TDRP: variants seen among roughly 807,000 people sequenced by gnomAD.
TDRP encodes the protein testis development-related protein.
A neutral mutation model predicts 10.5 loss-of-function variants in TDRP; 12 were observed. That is an observed-to-expected ratio of 1.15 (90% CI 0.73 to 1.86). TDRP has a LOEUF of 1.86. TDRP is among the 40% of genes most tolerant of loss of function. The probability of loss-of-function intolerance (pLI) is 0.00; values close to 1 mark genes in which losing one functional copy is unlikely to be tolerated. For missense variants in TDRP, 353 were observed against 229.2 expected (o/e 1.54, Z -3.49); for synonymous variants, 139 against 95.4 (o/e 1.46, Z -2.67).
chr8:504,984 G>A (rs1285500935), intron 1 of TDRP, among the ~76,000 whole-genome samples: 4 of 152,092 alleles, frequency 2.6e-5, no homozygotes, highest in African/African-American at 4.8e-5. Flanking sequence ...TTCCCACACC[G>A]TTTTTAACAA....
chr8:538,448 C>T (rs1293797282), intron 1 of TDRP, among the ~76,000 whole-genome samples: 1 of 152,160 alleles, frequency 6.6e-6, no homozygotes, highest in African/African-American at 2.4e-5. Context: ...GATGGTGGCA[C>T]CAACCCATAT....
chr8:510,752 A>AGGG (rs1801594598), intron 1 of TDRP, among the ~76,000 whole-genome samples: 1 of 152,232 alleles, frequency 6.6e-6, no homozygotes, highest in East Asian at 1.9e-4. Flanking sequence ...TTCAGCTGAA[A>AGGG]ACGAGGAACT....
intron 1 of TDRP, among the ~76,000 whole-genome samples, chr8:509,481 G>T (rs1801553504): frequency 6.6e-6 from 1 of 152,188 alleles, no homozygotes; most frequent in African/African-American, 2.4e-5. Context: ...AAGCAGCCAA[G>T]GATTGGGGCT....
At chr8:508,534 C>T (rs538501557) in intron 1 of TDRP, among the ~76,000 whole-genome samples, 4 of 152,184 alleles carry the variant, frequency 2.6e-5, no homozygotes, top group Non-Finnish European at 5.9e-5. Flanking sequence ...ATAAAACCAT[C>T]AGATCTCATG....
chr8:514,733 T>C (rs1055701212), intron 1 of TDRP, among the ~76,000 whole-genome samples: 6 of 151,906 alleles, frequency 3.9e-5, no homozygotes, highest in Non-Finnish European at 8.8e-5. Context: ...CACTGGGAAA[T>C]GTCTATTTTT....
intron 1 of TDRP, among the ~76,000 whole-genome samples, chr8:525,076 G>C (rs1303488712): frequency 3.9e-5 from 6 of 152,148 alleles, no homozygotes; most frequent in African/African-American, 1.4e-4. Flanking sequence ...CAAGAGAAAA[G>C]AAACAGATAG....
intron 1 of TDRP, among the ~76,000 whole-genome samples, chr8:515,190 C>T (rs147425874): frequency 6.6e-6 from 1 of 152,296 alleles, no homozygotes; most frequent in Non-Finnish European, 1.5e-5. Context: ...TACAAGCACA[C>T]TGATAGGTTC....
At chr8:520,993 G>A (rs551084619) in intron 1 of TDRP, among the ~76,000 whole-genome samples, 1 of 152,024 alleles carries the variant, frequency 6.6e-6, no homozygotes, top group African/African-American at 2.4e-5. Context: ...TCATATCCAA[G>A]AAATCATTGC....
intron 1 of TDRP, among the ~76,000 whole-genome samples, chr8:538,387 T>C (rs924614136): frequency 2.0e-5 from 3 of 152,190 alleles, no homozygotes; most frequent in East Asian, 1.9e-4. Context: ...ATAGAGTCTG[T>C]TGGCAGCTGT....
intron 1 of TDRP, among the ~76,000 whole-genome samples, chr8:512,971 CAAAA>C (rs34201826): frequency 8.1e-5 from 12 of 147,276 alleles, no homozygotes; most frequent in East Asian, 2.0e-4. Context: ...GATTTCACCT[CAAAA>C]AAAAAAAAAA....
chr8:496,123 C>T (rs1242800637), intron 1 of TDRP, among the ~76,000 whole-genome samples: 3 of 152,198 alleles, frequency 2.0e-5, no homozygotes, highest in African/African-American at 7.2e-5. Context: ...TGCACAAAAA[C>T]CTACCAAAGA....
At chr8:503,079 G>C (rs1440503747) in intron 1 of TDRP, among the ~76,000 whole-genome samples, 1 of 150,774 alleles carries the variant, frequency 6.6e-6, no homozygotes, top group Non-Finnish European at 1.5e-5. Flanking sequence ...GCCCACCTCA[G>C]CATGTGTCAA....
At chr8:501,493 A>ACC (rs1801299065) in intron 1 of TDRP, among the ~76,000 whole-genome samples, 1 of 151,690 alleles carries the variant, frequency 6.6e-6, no homozygotes, top group African/African-American at 2.4e-5. Flanking sequence ...ATTACAGGCG[A>ACC]TGGCCACCAC....
chr8:531,308 G>T (rs1330940495), intron 1 of TDRP, among the ~76,000 whole-genome samples: 2 of 152,144 alleles, frequency 1.3e-5, no homozygotes, highest in Non-Finnish European at 2.9e-5. Context: ...AGTCCGTGGG[G>T]GAACAAGGTC....
At chr8:508,431 T>C (rs1295723749) in intron 1 of TDRP, among the ~76,000 whole-genome samples, 1 of 152,140 alleles carries the variant, frequency 6.6e-6, no homozygotes, top group African/African-American at 2.4e-5. Flanking sequence ...CTCAGGAAAC[T>C]TACAAAAATG....
At chr8:534,508 C>A (rs567226248) in intron 1 of TDRP, among the ~76,000 whole-genome samples, 2 of 152,334 alleles carry the variant, frequency 1.3e-5, no homozygotes, top group Admixed American at 1.3e-4. Context: ...AACACAGGTG[C>A]TCCCTCCGTA....
At position 491,639 on chromosome 8, in the gene TDRP, A is replaced by G. The variant is rs1563113540; in HGVS notation, c.*760T>C. 1 of 1,532,144 alleles carries G rather than the reference A, an allele frequency of 6.5e-7. No individual in the cohort carries two copies. Among genetic ancestry groups the G allele is most frequent in the Non-Finnish European group, 8.7e-7 (1 of 1,145,858 alleles). 94.9% of individuals were successfully genotyped at this position (1,532,144 alleles called of 1,614,324 possible). On this transcript the variant is annotated 3_prime_UTR_variant, in exon 3 of 3. Coordinates refer to ENST00000324079, the MANE Select transcript of TDRP (RefSeq NM_001384899.1). Reference sequence around the variant, plus strand: ...ACAATGTTTCCTAAATGAAATTATCAACTGACTAAAATTGATCCATACTTC... The same window carrying G: ...ACAATGTTTCCTAAATGAAATTATCGACTGACTAAAATTGATCCATACTTC...
At chr8:510,946 C>T (rs1269656677) in intron 1 of TDRP, among the ~76,000 whole-genome samples, 1 of 152,018 alleles carries the variant, frequency 6.6e-6, no homozygotes, top group Non-Finnish European at 1.5e-5. Flanking sequence ...GCCAATAACA[C>T]CACAAAAGAT....
chr8:542,657 G>A (rs1003257549), intron 1 of TDRP, among the ~76,000 whole-genome samples: 2 of 152,060 alleles, frequency 1.3e-5, no homozygotes, highest in African/African-American at 4.8e-5. Context: ...CTGAGATCAT[G>A]AGTTCGAGAC....
Sources: allele counts gnomAD v4.1 joint callset (sites outside exome capture counted in the v4.1 genomes callset), GRCh38; gene constraint gnomAD v4.1.1; transcripts MANE v1.5; gene names NCBI Gene and HGNC (gene_info 2026-07-23, HGNC 2026-07-21).